The following RASGEF1C variants were observed in gnomAD, a reference collection of about 807,000 sequenced individuals.
RASGEF1C encodes the protein RasGEF domain family member 1C, also known as ras-GEF domain-containing family member 1C.
RASGEF1C carries 27 observed loss-of-function variants against 58.1 expected under a neutral mutation model. The ratio of observed to expected loss-of-function variants is 0.46; its 90% confidence interval spans 0.34 to 0.64. The LOEUF (loss-of-function observed/expected upper bound fraction) is 0.64. Among genes scored for constraint, RASGEF1C ranks in the 30% least tolerant of loss-of-function variants. The pLI, the probability that RASGEF1C is intolerant of heterozygous loss-of-function variation, is 0.01. For synonymous variants in RASGEF1C, 243 were observed against 246.3 expected (o/e 0.99, Z 0.13); for missense variants, 502 against 605.1 (o/e 0.83, Z 1.79).
At chr5:180,167,953 G>A (rs936911326) in intron 1 of RASGEF1C, among the ~76,000 whole-genome samples, 2 of 152,230 alleles carry the variant, frequency 1.3e-5, no homozygotes, top group African/African-American at 2.4e-5. Context: ...TGTTTTCAAA[G>A]TCACTGAGTT....
At chr5:180,164,961 AC>A (rs1461807812) in intron 1 of RASGEF1C, among the ~76,000 whole-genome samples, 4 of 152,192 alleles carry the variant, frequency 2.6e-5, no homozygotes, top group African/African-American at 9.7e-5. Context: ...AGGTGCACAT[AC>A]ATTTAGGATT....
At chr5:180,175,974 C>T (rs1024486539) in intron 1 of RASGEF1C, among the ~76,000 whole-genome samples, 7 of 152,160 alleles carry the variant, frequency 4.6e-5, no homozygotes, top group East Asian at 1.9e-4. Flanking sequence ...GGCGACAGAG[C>T]GGGACTCCGT....
chr5:180,151,120 T>A (rs1766738887), intron 1 of RASGEF1C, among the ~76,000 whole-genome samples: 2 of 152,018 alleles, frequency 1.3e-5, no homozygotes, highest in South Asian at 4.2e-4. Context: ...AGAATCAATA[T>A]TGTGAAAATG....
intron 1 of RASGEF1C, among the ~76,000 whole-genome samples, chr5:180,200,340 T>A (rs368516206): frequency 0.096 from 8,825 of 91,514 alleles, 595 homozygotes; most frequent in Non-Finnish European, 0.15. Context: ...GATAGAGTCC[T>A]GCTCTGTCGC....
rs1380876590 is a variant in RASGEF1C at position 180,101,354 on chromosome 5, G to A, written c.*147C>T. On this transcript the variant is annotated 3_prime_UTR_variant, in exon 14 of 14. Transcript: ENST00000361132. The stretch of plus-strand genomic sequence containing the variant: ...TCCTGTGCCCGTATGGCCACTGTGG[G>A]GGGGGGGGGGGCGGGCAGCAGGCCA... 1 of 492,458 alleles carries A rather than the reference G, an allele frequency of 2.0e-6. No individual in the cohort carries two copies. Among genetic ancestry groups the A allele is most frequent in the Non-Finnish European group, 3.2e-6 (1 of 312,244 alleles). The allele number at this position is 492,458 out of a possible 1,614,324, so 30.5% of individuals were successfully genotyped here. A position where few individuals can be genotyped will look rare whatever the true frequency, so the allele number is the denominator to read the frequency against.
intron 1 of RASGEF1C, among the ~76,000 whole-genome samples, chr5:180,191,512 A>G (rs1756162874): frequency 6.6e-6 from 1 of 151,962 alleles, no homozygotes; most frequent in Admixed American, 6.6e-5. Flanking sequence ...GCCCGCCACC[A>G]CGGCCGGCTG....
At chr5:180,146,390 A>G (rs1766661524) in intron 1 of RASGEF1C, among the ~76,000 whole-genome samples, 1 of 152,108 alleles carries the variant, frequency 6.6e-6, no homozygotes, top group Non-Finnish European at 1.5e-5. Flanking sequence ...AGCTCAAGTG[A>G]TCCGTTCAAA....
At chr5:180,110,974 C>T (rs905431258) in intron 12 of RASGEF1C, among the ~76,000 whole-genome samples, 1 of 152,114 alleles carries the variant, frequency 6.6e-6, no homozygotes, top group African/African-American at 2.4e-5. Context: ...CACTACAACG[C>T]CCGGCTAATT....
rs1312668976 is a variant in RASGEF1C at position 180,203,998 on chromosome 5, ACAAAC to A, written c.-7+5025_-7+5029del. Among the ~76,000 whole-genome samples the A allele has an allele frequency of 1.8e-3, 101 of 54,614 alleles. No individual in the cohort carries two copies. The South Asian group carries it at 0.038, about 20-fold the overall frequency. 35.8% of individuals were successfully genotyped at this position (54,614 alleles called of 152,430 possible). A position where few individuals can be genotyped will look rare whatever the true frequency, so the allele number is the denominator to read the frequency against. ...ACAGAGTGAGACTCTGTCTCAAAAA[ACAAAC>A]AAACAAACAACAACAACAACAACAA... On this transcript the variant is annotated intron_variant, in intron 1 of 13. Coordinates refer to ENST00000361132, the MANE Select transcript of RASGEF1C (RefSeq NM_175062.4).
At chr5:180,117,994 CAAAAA>C (rs3078957) in intron 10 of RASGEF1C, among the ~76,000 whole-genome samples, 23 of 108,636 alleles carry the variant, frequency 2.1e-4, no homozygotes, top group Middle Eastern at 4.7e-3. Flanking sequence ...ACTCCATCTC[CAAAAA>C]AAAAAAAAAA....
chr5:180,134,636 C>CACTT (rs1025165341), intron 4 of RASGEF1C, among the ~76,000 whole-genome samples: 2 of 150,988 alleles, frequency 1.3e-5, no homozygotes, highest in Non-Finnish European at 3.0e-5. Flanking sequence ...CACTCCTCTC[C>CACTT]CCTTCCTTCC....
intron 1 of RASGEF1C, among the ~76,000 whole-genome samples, chr5:180,204,616 C>CTCTATCTATCTATCTA (rs56101660): frequency 2.1e-4 from 32 of 149,224 alleles, no homozygotes; most frequent in East Asian, 8.0e-4. Context: ...ATGGATATTC[C>CTCTATCTATCTATCTA]TCTATCTATC....
At chr5:180,138,243 C>T (rs1766520847) in intron 1 of RASGEF1C, 185 bp from the exon 2 acceptor site, 3 of 462,640 alleles carry the variant, frequency 6.5e-6, no homozygotes, top group Non-Finnish European at 1.1e-5. Flanking sequence ...ACAGCACAGC[C>T]TTCATTCTCC....
intron 1 of RASGEF1C, among the ~76,000 whole-genome samples, chr5:180,179,578 G>C (rs551168117): frequency 6.6e-6 from 1 of 152,304 alleles, no homozygotes; most frequent in South Asian, 2.1e-4. Context: ...CAAGAAAGCA[G>C]TGATCAATAC....
chr5:180,171,493 G>A (rs551693506), intron 1 of RASGEF1C, among the ~76,000 whole-genome samples: 48 of 152,126 alleles, frequency 3.2e-4, no homozygotes, highest in Non-Finnish European at 5.6e-4. Context: ...GCCGAGGGAC[G>A]TGCTGAAATA....
At chr5:180,102,747 C>T (rs1270184637) in intron 12 of RASGEF1C, among the ~76,000 whole-genome samples, 1 of 152,020 alleles carries the variant, frequency 6.6e-6, no homozygotes, top group Non-Finnish European at 1.5e-5. Flanking sequence ...CTATTCTGTC[C>T]CATTGATTCA....
intron 12 of RASGEF1C, among the ~76,000 whole-genome samples, chr5:180,103,363 C>T (rs1331666575): frequency 6.6e-6 from 1 of 152,232 alleles, no homozygotes; most frequent in East Asian, 1.9e-4. Context: ...AGGCGTGAGC[C>T]ACCGCACCCG....
chr5:180,130,533 C>T (rs1766348912), intron 4 of RASGEF1C, among the ~76,000 whole-genome samples: 1 of 152,358 alleles, frequency 6.6e-6, no homozygotes, highest in South Asian at 2.1e-4. Flanking sequence ...CGTCTCCTCA[C>T]CCCCACTCAC....
intron 1 of RASGEF1C, among the ~76,000 whole-genome samples, chr5:180,142,898 C>T (rs1267591607): frequency 1.3e-5 from 2 of 152,238 alleles, no homozygotes; most frequent in South Asian, 4.1e-4. Flanking sequence ...GGGGCACGTG[C>T]CCCCGCTGTG....
Sources: allele counts gnomAD v4.1 joint callset (sites outside exome capture counted in the v4.1 genomes callset), GRCh38; gene constraint gnomAD v4.1.1; transcripts MANE v1.5; gene names NCBI Gene and HGNC (gene_info 2026-07-23, HGNC 2026-07-21).